MED9: variants seen among roughly 807,000 people sequenced by gnomAD.
MED9 encodes mediator of RNA polymerase II transcription subunit 9.
Under a neutral mutation model 13.2 loss-of-function variants are expected in MED9, and 8 were observed. That is an observed-to-expected ratio of 0.61 (90% CI 0.36 to 1.10). The LOEUF is 1.10. Among genes scored for constraint, MED9 ranks in the 50% least tolerant of loss-of-function variants. The pLI is 0.02. For missense variants in MED9, 180 were observed against 193.4 expected (o/e 0.93, Z 0.41); for synonymous variants, 87 against 82.8 (o/e 1.05, Z -0.28).
intron 1 of MED9, chr17:17,477,476 C>T: frequency 1.8e-6 from 1 of 561,888 alleles, no homozygotes; most frequent in Non-Finnish European, 3.1e-6. Flanking sequence ...GTGCGATATC[C>T]TTAAGAATGA....
intron 1 of MED9, 49 bp from the exon 2 acceptor site, chr17:17,491,230 C>T: frequency 1.3e-6 from 2 of 1,549,116 alleles, no homozygotes; most frequent in East Asian, 2.2e-5. Context: ...GCAGGAACGC[C>T]AAGACGTGTA....
intron 1 of MED9, among the ~76,000 whole-genome samples, chr17:17,479,315 G>T (rs765277416): frequency 2.3e-4 from 35 of 152,188 alleles, no homozygotes; most frequent in Non-Finnish European, 5.0e-4. Flanking sequence ...GAGAGGTTCA[G>T]ATTATGTCAT....
chr17:17,484,203 G>A (rs188323298), intron 1 of MED9, among the ~76,000 whole-genome samples: 2 of 152,328 alleles, frequency 1.3e-5, no homozygotes, highest in African/African-American at 2.4e-5. Flanking sequence ...CTTGCGTGAT[G>A]GTTTTGGCTC....
rs1367868546 is a variant in MED9 at position 17,477,181 on chromosome 17, C to G, written c.140C>G (p.Pro47Arg). 6.2e-7 allele frequency: 1 copy of G among 1,610,348 alleles called. No individual in the cohort carries two copies. The highest frequency in any genetic ancestry group is 2.2e-5 in the East Asian group (1 of 44,784). Residue 47 changes from proline (P) to arginine (R), a missense_variant, in exon 1 of 2, where the codon CCG becomes CGG. By Grantham distance (103) the Pro-to-Arg change is moderately radical. Transcript: ENST00000268711. ...PVPAPQPQQSPAPRPQSPARA... is the reference protein window; with the variant it reads ...PVPAPQPQQSRAPRPQSPARA... ...CCTGCGCCTCAACCGCAGCAGTCGC[C>G]GGCGCCACGGCCTCAGTCACCTGCC...
Position 17,492,466 on chromosome 17 carries a change from C to G in MED9, c.*971C>G, listed in dbSNP as rs545270882. The G allele has an allele frequency of 6.6e-6, 1 of 151,680 alleles. No individual in the cohort carries two copies. Among genetic ancestry groups the G allele is most frequent in the African/African-American group, 2.4e-5 (1 of 40,906 alleles). 9.4% of individuals were successfully genotyped at this position (151,680 alleles called of 1,614,324 possible). A position where few individuals can be genotyped will look rare whatever the true frequency, so the allele number is the denominator to read the frequency against. ...CACCTTGTGTTGAGAGAGAGGCAAC[C>G]CTGGGGGCCAGTTCAGGTGGTCCCC... On this transcript the variant is annotated 3_prime_UTR_variant, in exon 2 of 2. Transcript: ENST00000268711.
intron 1 of MED9, among the ~76,000 whole-genome samples, chr17:17,489,928 G>A (rs1442004299): frequency 6.6e-6 from 1 of 152,260 alleles, no homozygotes; most frequent in Non-Finnish European, 1.5e-5. Flanking sequence ...GCCTGCGTAA[G>A]CAGAGAAATG....
chr17:17,477,476 C>G (rs1018375393), intron 1 of MED9: 6 of 561,770 alleles, frequency 1.1e-5, no homozygotes, highest in African/African-American at 3.9e-5. Flanking sequence ...GTGCGATATC[C>G]TTAAGAATGA....
At position 17,477,282 on chromosome 17, in the gene MED9, G is replaced by C. The variant is rs1163472517; in HGVS notation, c.224+17G>C. On this transcript the variant is annotated intron_variant, in intron 1 of 1. Transcript: ENST00000268711. ...CATCAAATGGTAAGAACCTAGGAGA[G>C]GACCAGGCCCCATACTCCCTCCAGC... 4.5e-6 allele frequency: 7 copies of C among 1,562,098 alleles called. No individual in the cohort carries two copies. The East Asian group carries it at 1.1e-4, about 25-fold the overall frequency.
At chr17:17,480,453 G>T (rs1343611072) in intron 1 of MED9, among the ~76,000 whole-genome samples, 2 of 152,146 alleles carry the variant, frequency 1.3e-5, no homozygotes, top group African/African-American at 4.8e-5. Context: ...TATATGAGTG[G>T]ATGGCCAAGG....
rs73978928 is a variant in MED9 at position 17,483,081 on chromosome 17, T to C, written c.224+5816T>C. On this transcript the variant is annotated intron_variant, in intron 1 of 1. Transcript: ENST00000268711. This position sits in a 1 kb window ranked among gnomAD's most constrained non-coding sequence, Gnocchi z 4.2. ...TTCTAGCAGCCTGCCTGATGCTAGA[T>C]CATGATGCTTTTGTTAATGGAACAT... 7.9e-5 allele frequency among the ~76,000 whole-genome samples: 12 copies of C among 152,182 alleles called. No individual in the cohort carries two copies. Among genetic ancestry groups the C allele is most frequent in the Admixed American group, 7.9e-4 (12 of 15,274 alleles).
chr17:17,491,418 C>T lies in MED9; in HGVS notation c.364C>T (p.Arg122Trp), dbSNP rs149453200. 19 of 1,613,928 alleles carry T rather than the reference C, an allele frequency of 1.2e-5. No homozygotes were observed. Among genetic ancestry groups the T allele is most frequent in the Middle Eastern group, 1.6e-4 (1 of 6,084 alleles). ...EQQQQQLQSL[R>W]EQVRTKNELL... is the part of the protein sequence containing the mutation. ...GCAGCAGCAGCAGCTGCAGAGCCTC[C>T]GGGAGCAAGTCAGGACCAAGAATGA... Residue 122 changes from arginine (R) to tryptophan (W), a missense_variant, in exon 2 of 2, where the codon CGG (arginine) becomes TGG (tryptophan). Physicochemically the swap from Arg to Trp is moderately radical, Grantham distance 101 (BLOSUM62 -3). Transcript: ENST00000268711.
At chr17:17,488,990 G>T (rs935407705) in intron 1 of MED9, among the ~76,000 whole-genome samples, 1 of 152,152 alleles carries the variant, frequency 6.6e-6, no homozygotes, top group East Asian at 1.9e-4. Context: ...ACAAAGGTAG[G>T]CCCACTTAGA....
chr17:17,479,005 C>G lies in MED9; in HGVS notation c.224+1740C>G, dbSNP rs535576807. Among the ~76,000 whole-genome samples the G allele has an allele frequency of 1.3e-4, 20 of 152,284 alleles. 1 individual carries two copies. In the South Asian group the frequency reaches 3.9e-3, roughly 30 times the overall value. On this transcript the variant is annotated intron_variant, in intron 1 of 1. Coordinates refer to ENST00000268711, the MANE Select transcript of MED9 (RefSeq NM_018019.3). ...TATAAAGGGTTTATTCTGATTAACCCTAGTTTACTGGTTTTAAGAAAAATG... is the reference window on the plus strand; with the variant it reads ...TATAAAGGGTTTATTCTGATTAACCGTAGTTTACTGGTTTTAAGAAAAATG...
chr17:17,487,939 A>G (rs1905166627), intron 1 of MED9: 1 of 152,286 alleles, frequency 6.6e-6, no homozygotes, highest in African/African-American at 2.4e-5. Context: ...ATGCTGTTGT[A>G]CATTTCAAAG....
intron 1 of MED9, among the ~76,000 whole-genome samples, chr17:17,479,338 T>G (rs1240388702): frequency 6.6e-6 from 1 of 152,224 alleles, no homozygotes; most frequent in African/African-American, 2.4e-5. Context: ...CTCTATAATG[T>G]GCTGACTGGG....
chr17:17,491,682 C>G lies in MED9; in HGVS notation c.*187C>G. On this transcript the variant is annotated 3_prime_UTR_variant, in exon 2 of 2. Coordinates refer to ENST00000268711, the MANE Select transcript of MED9 (RefSeq NM_018019.3). ...GAGCCAGCGCAGAGCTTGGCTGCGC[C>G]GGGGGTTCCTCGTGTAGATCCATAT... 2 of 610,014 alleles carry G rather than the reference C, an allele frequency of 3.3e-6. No homozygotes were observed. The highest frequency in any genetic ancestry group is 2.8e-5 in the East Asian group (1 of 35,938). The allele number at this position is 610,014 out of a possible 1,614,324, so 37.8% of individuals were successfully genotyped here.
chr17:17,487,606 G>A (rs2142475612), intron 1 of MED9: 1 of 171,950 alleles, frequency 5.8e-6, no homozygotes, highest in Non-Finnish European at 1.2e-5. Context: ...CTGAACATCA[G>A]AAGGGACAGA....
intron 1 of MED9, 138 bp from the exon 2 acceptor site, chr17:17,491,141 C>A: frequency 1.3e-6 from 1 of 799,368 alleles, no homozygotes; most frequent in Non-Finnish European, 2.0e-6. Flanking sequence ...GGTGGACAGC[C>A]TAGTCAGGGG....
chr17:17,488,989 G>C (rs184081377), intron 1 of MED9, among the ~76,000 whole-genome samples: 1 of 152,278 alleles, frequency 6.6e-6, no homozygotes, highest in African/African-American at 2.4e-5. Context: ...CACAAAGGTA[G>C]GCCCACTTAG....
Sources: gnomAD v4.1 joint callset for allele counts (sites outside exome capture counted in the v4.1 genomes callset) on GRCh38, gnomAD v4.1.1 for gene constraint, Gnocchi (gnomAD v3.1) non-coding constraint, MANE v1.5 for transcripts, NCBI Gene and HGNC (gene_info 2026-07-23, HGNC 2026-07-21) for gene names.